The following MARCHF8 variants were observed in gnomAD, a reference collection of about 807,000 sequenced individuals.
The protein encoded by MARCHF8 is membrane associated ring-CH-type finger 8.
In MARCHF8, 40 loss-of-function variants were observed where a neutral mutation model predicts 51.6. The observed-to-expected ratio is 0.77, with a 90% CI of 0.60 to 1.01. MARCHF8 has a LOEUF of 1.01. Among genes scored for constraint, MARCHF8 ranks in the 50% least tolerant of loss-of-function variants. The pLI, the probability that MARCHF8 is intolerant of heterozygous loss-of-function variation, is 0.00. For missense variants in MARCHF8, 685 were observed against 708.6 expected (o/e 0.97, Z 0.38); for synonymous variants, 263 against 280.3 (o/e 0.94, Z 0.62).
upstream of MARCHF8, among the ~76,000 whole-genome samples, chr10:45,537,518 T>C (rs1260031959): frequency 6.6e-6 from 1 of 151,974 alleles, no homozygotes; most frequent in Admixed American, 6.6e-5. Context: ...CCGGGTGTGG[T>C]GGCTCATGCC....
chr10:45,593,996 A>G (rs1356966172), intron 1 of MARCHF8, among the ~76,000 whole-genome samples: 1 of 152,212 alleles, frequency 6.6e-6, no homozygotes, highest in African/African-American at 2.4e-5. Context: ...AGTGAGGCAG[A>G]AAAGGGTTCC....
At chr10:45,488,350 GTCC>G (rs1002314946) in intron 3 of MARCHF8, among the ~76,000 whole-genome samples, 29 of 152,218 alleles carry the variant, frequency 1.9e-4, no homozygotes, top group African/African-American at 6.3e-4. Flanking sequence ...TCCTTGATCA[GTCC>G]TCTAATTCCT....
At chr10:45,467,283 T>G (rs1843001925) in intron 3 of MARCHF8, among the ~76,000 whole-genome samples, 1 of 152,112 alleles carries the variant, frequency 6.6e-6, no homozygotes, top group African/African-American at 2.4e-5. Flanking sequence ...AAAGAAAAAT[T>G]TTAAAATCTA....
At chr10:45,539,857 C>T (rs1460487327), upstream of MARCHF8, among the ~76,000 whole-genome samples, 1 of 152,198 alleles carries the variant, frequency 6.6e-6, no homozygotes, top group African/African-American at 2.4e-5. Context: ...AGCAAAGTCT[C>T]AGGATACAAA....
chr10:45,575,346 GACC>G (rs1414021908), intron 1 of MARCHF8, among the ~76,000 whole-genome samples: 3 of 151,976 alleles, frequency 2.0e-5, no homozygotes, highest in Non-Finnish European at 4.4e-5. Context: ...AGGGTTTTTG[GACC>G]AAGGAAAATA....
intron 3 of MARCHF8, among the ~76,000 whole-genome samples, chr10:45,466,686 C>A (rs1312169763): frequency 6.6e-6 from 1 of 152,150 alleles, no homozygotes; most frequent in African/African-American, 2.4e-5. Flanking sequence ...GGAAGGCAAA[C>A]CCTGTTGGGA....
intron 1 of MARCHF8, among the ~76,000 whole-genome samples, chr10:45,563,152 G>T (rs1028034730): frequency 3.3e-5 from 5 of 152,024 alleles, no homozygotes; most frequent in Non-Finnish European, 7.4e-5. Context: ...TCAGCTTTCG[G>T]GGTAGCTGGG....
rs942951446 is a variant in MARCHF8 at position 45,585,804 on chromosome 10, CTTCTT to C, written c.-79+8426_-79+8430del. ...TCAAACTTCTACATAACAAAAAAAACTTCTTTTCTTTGGCAAAGATGTGTTCATTG... is the reference window on the plus strand; with the variant it reads ...TCAAACTTCTACATAACAAAAAAAACTTCTTTGGCAAAGATGTGTTCATTG... On this transcript the variant is annotated intron_variant, in intron 1 of 6. Coordinates refer to the MARCHF8 transcript ENST00000319836. 1.1e-4 allele frequency among the ~76,000 whole-genome samples: 17 copies of C among 152,064 alleles called. No individual in the cohort carries two copies. The East Asian group carries it at 1.2e-3, about 10-fold the overall frequency.
At chr10:45,466,992 CAT>C (rs1356669168) in intron 3 of MARCHF8, among the ~76,000 whole-genome samples, 2 of 152,186 alleles carry the variant, frequency 1.3e-5, no homozygotes, top group African/African-American at 4.8e-5. Flanking sequence ...TGTGGTTCCC[CAT>C]GTGTGTGCAC....
intron 5 of MARCHF8, 32 bp downstream of exon 5, chr10:45,463,119 A>G (rs1842845838): frequency 6.5e-7 from 1 of 1,532,284 alleles, no homozygotes; most frequent in South Asian, 1.2e-5. Flanking sequence ...GCGAGCAGAG[A>G]TGGCTAGAAT....
At chr10:45,549,338 A>G (rs992513402) in intron 1 of MARCHF8, among the ~76,000 whole-genome samples, 5 of 152,126 alleles carry the variant, frequency 3.3e-5, no homozygotes, top group African/African-American at 1.2e-4. Context: ...ATGATTTCCT[A>G]TTTCTCATAA....
intron 3 of MARCHF8, among the ~76,000 whole-genome samples, chr10:45,478,144 G>T (rs2042819938): frequency 6.6e-6 from 1 of 152,158 alleles, no homozygotes; most frequent in South Asian, 2.1e-4. Flanking sequence ...TTCAGGATAG[G>T]CCACAGGTTA....
chr10:45,460,662 G>A (rs545399948), intron 6 of MARCHF8, among the ~76,000 whole-genome samples: 1 of 152,312 alleles, frequency 6.6e-6, no homozygotes, highest in South Asian at 2.1e-4. Context: ...CTCTCAGAGG[G>A]AGCAGTGACA....
At chr10:45,518,307 A>G (rs1715345661) in intron 2 of MARCHF8, among the ~76,000 whole-genome samples, 1 of 152,208 alleles carries the variant, frequency 6.6e-6, no homozygotes, top group East Asian at 1.9e-4. Flanking sequence ...ACAGTGCCAC[A>G]TCAGTACAGA....
intron 1 of MARCHF8, among the ~76,000 whole-genome samples, chr10:45,581,310 C>T (rs2133423282): frequency 6.6e-6 from 1 of 152,234 alleles, no homozygotes; most frequent in East Asian, 1.9e-4. Context: ...GAGCTAAGGT[C>T]AAGAAATCCT....
At chr10:45,516,222 C>T (rs530941551) in intron 2 of MARCHF8, among the ~76,000 whole-genome samples, 1 of 152,326 alleles carries the variant, frequency 6.6e-6, no homozygotes. Context: ...ATAATCAGTT[C>T]TAAGGTTGAT....
chr10:45,593,126 C>T (rs2044700034), intron 1 of MARCHF8, among the ~76,000 whole-genome samples: 5 of 148,414 alleles, frequency 3.4e-5, no homozygotes, highest in Admixed American at 2.7e-4. Flanking sequence ...AAGAGAAAAC[C>T]TTTCCACTAG....
chr10:45,542,534 A>T (rs1023206857), intron 1 of MARCHF8, among the ~76,000 whole-genome samples: 3 of 152,024 alleles, frequency 2.0e-5, no homozygotes, highest in Non-Finnish European at 4.4e-5. Context: ...AGTATCTGAT[A>T]ATTTATAGTA....
intron 1 of MARCHF8, among the ~76,000 whole-genome samples, chr10:45,563,387 T>C (rs1259013982): frequency 6.6e-6 from 1 of 152,168 alleles, no homozygotes; most frequent in Non-Finnish European, 1.5e-5. Flanking sequence ...ATATGCAGGC[T>C]GTAGTATACG....
Sources: allele counts gnomAD v4.1 joint callset (sites outside exome capture counted in the v4.1 genomes callset), GRCh38; gene constraint gnomAD v4.1.1; transcripts MANE v1.5; gene names NCBI Gene and HGNC (gene_info 2026-07-23, HGNC 2026-07-21).